CIRSR: variants seen among roughly 807,000 people sequenced by gnomAD.
CIRSR encodes CBF1 (RBPJ) interacting corepressor 1.
At chr2:174,381,729 A>C in the CIRSR span, 4 of 1,597,274 alleles carry the variant, frequency 2.5e-6, no homozygotes, top group African/African-American at 1.4e-5. Context: ...GTGGGGCTTC[A>C]TACATGAAAT....
chr2:174,351,812 G>A, the CIRSR span: 1 of 921,202 alleles, frequency 1.1e-6, no homozygotes, highest in Non-Finnish European at 1.6e-6. Flanking sequence ...TTGAAGCTTT[G>A]TTAAGTAAAA....
the CIRSR span, among the ~76,000 whole-genome samples, chr2:174,383,849 CAAAAAA>C: frequency 0.29 from 35,294 of 121,464 alleles, 5,475 homozygotes; most frequent in East Asian, 0.71. Flanking sequence ...AGCTATCTTC[CAAAAAA>C]AAAAAAAAAA....
At chr2:174,364,125 C>A in the CIRSR span, among the ~76,000 whole-genome samples, 1 of 152,192 alleles carries the variant, frequency 6.6e-6, no homozygotes, top group Non-Finnish European at 1.5e-5. Flanking sequence ...CTAAATTCAG[C>A]CATGCCAAAT....
At chr2:174,388,702 C>T in the CIRSR span, among the ~76,000 whole-genome samples, 5 of 152,068 alleles carry the variant, frequency 3.3e-5, no homozygotes, top group East Asian at 1.9e-4. Context: ...AACACACACA[C>T]GCACACAAAA....
chr2:174,361,835 T>A, the CIRSR span, among the ~76,000 whole-genome samples: 1 of 152,226 alleles, frequency 6.6e-6, no homozygotes, highest in African/African-American at 2.4e-5. Context: ...TGTCTAGAAC[T>A]CAGACTTAGG....
the CIRSR span, among the ~76,000 whole-genome samples, chr2:174,377,979 T>C: frequency 6.6e-6 from 1 of 152,268 alleles, no homozygotes; most frequent in African/African-American, 2.4e-5. Flanking sequence ...CGTATGTTGA[T>C]TGAGGGTAAA....
At chr2:174,363,060 G>A in the CIRSR span, among the ~76,000 whole-genome samples, 2 of 152,120 alleles carry the variant, frequency 1.3e-5, no homozygotes, top group Admixed American at 6.5e-5. Context: ...TATACCCAGA[G>A]CATTTTGTTT....
the CIRSR span, among the ~76,000 whole-genome samples, chr2:174,384,482 C>A: frequency 3.0e-3 from 459 of 152,250 alleles, 3 homozygotes; most frequent in Middle Eastern, 0.02. Flanking sequence ...TAAGGGTACA[C>A]TGAATTGCAC....
chr2:174,371,983 A>G, the CIRSR span, among the ~76,000 whole-genome samples: 1 of 152,206 alleles, frequency 6.6e-6, no homozygotes, highest in Non-Finnish European at 1.5e-5. Flanking sequence ...AGCTTGAATC[A>G]GCAAGTGGAT....
chr2:174,385,118 A>G, the CIRSR span, among the ~76,000 whole-genome samples: 1 of 151,736 alleles, frequency 6.6e-6, no homozygotes, highest in African/African-American at 2.4e-5. Context: ...AGGAGACCGA[A>G]GCAGGAGGAT....
At chr2:174,351,211 C>CA in the CIRSR span, among the ~76,000 whole-genome samples, 2 of 152,034 alleles carry the variant, frequency 1.3e-5, no homozygotes, top group African/African-American at 4.8e-5. Context: ...CCTTCAAACT[C>CA]AATCATTTTC....
At chr2:174,393,947 A>C in the CIRSR span, among the ~76,000 whole-genome samples, 1 of 152,214 alleles carries the variant, frequency 6.6e-6, no homozygotes, top group Non-Finnish European at 1.5e-5. Context: ...AGTGTTAACT[A>C]TCTAGAAAGG....
the CIRSR span, among the ~76,000 whole-genome samples, chr2:174,376,309 G>C: frequency 7.9e-5 from 12 of 152,126 alleles, no homozygotes; most frequent in Non-Finnish European, 1.6e-4. Flanking sequence ...GACTTCTTAA[G>C]CCTGGTTACA....
the CIRSR span, among the ~76,000 whole-genome samples, chr2:174,383,073 T>C: frequency 6.6e-6 from 1 of 152,220 alleles, no homozygotes; most frequent in East Asian, 1.9e-4. Flanking sequence ...TAAAAGGGAC[T>C]GAAGTACTAG....
chr2:174,366,790 A>G, the CIRSR span, among the ~76,000 whole-genome samples: 1 of 152,214 alleles, frequency 6.6e-6, no homozygotes, highest in South Asian at 2.1e-4. Flanking sequence ...GGAGCTATTC[A>G]GTTGTAGAAC....
At chr2:174,352,484 C>G in the CIRSR span, among the ~76,000 whole-genome samples, 6 of 152,164 alleles carry the variant, frequency 3.9e-5, no homozygotes. Context: ...AGTGGTGACT[C>G]ATGCGTGTAA....
the CIRSR span, among the ~76,000 whole-genome samples, chr2:174,360,199 A>G: frequency 1.3e-5 from 2 of 152,242 alleles, no homozygotes; most frequent in East Asian, 1.9e-4. Flanking sequence ...CCTAGAACTT[A>G]AAGTAAAATA....
the CIRSR span, chr2:174,370,053 C>T: frequency 3.7e-6 from 5 of 1,359,524 alleles, no homozygotes; most frequent in Non-Finnish European, 4.9e-6. Context: ...TCAAATAAGG[C>T]ATGCCTGCAT....
At chr2:174,349,119 T>C in the CIRSR span, 10 of 1,504,328 alleles carry the variant, frequency 6.6e-6, no homozygotes, top group Non-Finnish European at 8.8e-6. Flanking sequence ...CTTCTGAAAC[T>C]TTTTCTTTTT....
Sources: gnomAD v4.1 joint callset for allele counts (sites outside exome capture counted in the v4.1 genomes callset) on GRCh38, gnomAD v4.1.1 for gene constraint, MANE v1.5 for transcripts, NCBI Gene and HGNC (gene_info 2026-07-23, HGNC 2026-07-21) for gene names.